Variants in GABRA3 observed in about 807,000 individuals in gnomAD.
GABRA3 encodes gamma-aminobutyric acid receptor subunit alpha-3.
Under a neutral mutation model 30.1 loss-of-function variants are expected in GABRA3, and 10 were observed. The observed-to-expected ratio is 0.33, with a 90% CI of 0.20 to 0.56. The LOEUF is 0.56. GABRA3 is among the 20% of genes least tolerant of loss of function. GABRA3 has a pLI of 0.89. For synonymous variants in GABRA3, 151 were observed against 146.8 expected (o/e 1.03, Z -0.21); for missense variants, 233 against 392.0 (o/e 0.59, Z 3.42).
chrX:152,396,996 T>C (rs1929676982), intron 1 of GABRA3, among the ~76,000 whole-genome samples: 1 of 111,843 alleles, frequency 8.9e-6, no homozygotes, highest in South Asian at 3.7e-4. Context: ...TGCAGAATCA[T>C]ATTACAGTGA....
At chrX:152,449,041 G>A (rs1602737101) in intron 1 of GABRA3, among the ~76,000 whole-genome samples, 2 of 111,964 alleles carry the variant, frequency 1.8e-5, no homozygotes, top group Middle Eastern at 9.2e-3. Context: ...CTAATATCCA[G>A]CATGAAGTAA....
At chrX:152,266,962 T>C (rs1174082393) in intron 4 of GABRA3, among the ~76,000 whole-genome samples, 1 of 111,630 alleles carries the variant, frequency 9.0e-6, no homozygotes, top group African/African-American at 3.3e-5. Context: ...AAGAAGATCT[T>C]CATGTGTTTA....
chrX:152,278,871 C>T (rs1330099787), intron 4 of GABRA3, among the ~76,000 whole-genome samples: 6 of 112,219 alleles, frequency 5.3e-5, no homozygotes, highest in African/African-American at 1.6e-4. Context: ...TGATGATGAG[C>T]ATTTTTTCAT....
At chrX:152,396,137 G>A (rs915706544) in intron 1 of GABRA3, among the ~76,000 whole-genome samples, 12 of 111,291 alleles carry the variant, frequency 1.1e-4, no homozygotes, top group African/African-American at 2.9e-4. Context: ...TTATAAGAAG[G>A]GGGAAATTTA....
At chrX:152,216,856 T>C (rs183889677) in intron 6 of GABRA3, among the ~76,000 whole-genome samples, 379 of 110,888 alleles carry the variant, frequency 3.4e-3, no homozygotes, top group African/African-American at 0.012. Context: ...TTTAAGATAA[T>C]GGAAATGTTA....
intron 3 of GABRA3, among the ~76,000 whole-genome samples, chrX:152,321,653 T>C (rs1366030703): frequency 8.9e-6 from 1 of 111,852 alleles, no homozygotes; most frequent in Non-Finnish European, 1.9e-5. Context: ...AACAAAGTAG[T>C]AACAAAAGAC....
At chrX:152,427,169 A>T (rs767440343) in intron 1 of GABRA3, among the ~76,000 whole-genome samples, 4 of 111,433 alleles carry the variant, frequency 3.6e-5, no homozygotes, top group Admixed American at 9.5e-5. Flanking sequence ...GACTTCTTTG[A>T]CAATAAATCC....
chrX:152,435,085 A>C (rs897155923), intron 1 of GABRA3, among the ~76,000 whole-genome samples: 1 of 111,974 alleles, frequency 8.9e-6, no homozygotes, highest in Non-Finnish European at 1.9e-5. Flanking sequence ...CAGCAAGAAA[A>C]AAAGATATGA....
chrX:152,392,674 T>G (rs1286034099), intron 1 of GABRA3, among the ~76,000 whole-genome samples: 1 of 111,918 alleles, frequency 8.9e-6, no homozygotes, highest in East Asian at 2.8e-4. Context: ...CAAAGGTGCA[T>G]AGAGGACCCA....
chrX:152,359,251 T>G (rs1172027648), intron 2 of GABRA3, among the ~76,000 whole-genome samples: 1 of 111,468 alleles, frequency 9.0e-6, no homozygotes, highest in Non-Finnish European at 1.9e-5. Context: ...TATTGGTCTG[T>G]TCAGGGATTC....
At chrX:152,291,911 G>C (rs758607451) in intron 3 of GABRA3, among the ~76,000 whole-genome samples, 16 of 111,787 alleles carry the variant, frequency 1.4e-4, no homozygotes, top group African/African-American at 5.2e-4. Flanking sequence ...TGCTGGATTC[G>C]ATTTGCCAGT....
intron 1 of GABRA3, among the ~76,000 whole-genome samples, chrX:152,411,480 A>G (rs1012084134): frequency 4.5e-5 from 5 of 112,089 alleles, no homozygotes; most frequent in African/African-American, 1.6e-4. Context: ...TAGAGAAAAA[A>G]GAAAAAAATA....
intron 1 of GABRA3, among the ~76,000 whole-genome samples, chrX:152,390,761 CGATGATGAG>C (rs1929458872): frequency 9.0e-6 from 1 of 110,610 alleles, no homozygotes; most frequent in Non-Finnish European, 1.9e-5. Context: ...ACGATGATAA[CGATGATGAG>C]GATATTATTA....
chrX:152,374,074 T>C (rs186116181), intron 1 of GABRA3, among the ~76,000 whole-genome samples: 8 of 111,498 alleles, frequency 7.2e-5, no homozygotes, highest in African/African-American at 2.3e-4. Flanking sequence ...TTGAGCATTT[T>C]TTCATATGTT....
At chrX:152,222,826 A>G (rs1257221145) in intron 6 of GABRA3, among the ~76,000 whole-genome samples, 1 of 109,176 alleles carries the variant, frequency 9.2e-6, no homozygotes, top group African/African-American at 3.3e-5. Context: ...CCTAGGATAT[A>G]GCTCTCTAGG....
intron 3 of GABRA3, among the ~76,000 whole-genome samples, chrX:152,322,270 G>A (rs891327741): frequency 8.9e-6 from 1 of 111,822 alleles, no homozygotes; most frequent in East Asian, 2.8e-4. Flanking sequence ...TCATCTATAC[G>A]AAATATTCAG....
intron 5 of GABRA3, among the ~76,000 whole-genome samples, chrX:152,242,978 G>A (rs1286064551): frequency 8.9e-6 from 1 of 112,102 alleles, no homozygotes; most frequent in Non-Finnish European, 1.9e-5. Flanking sequence ...GCATTCATTG[G>A]TGGATAAATG....
intron 1 of GABRA3, among the ~76,000 whole-genome samples, chrX:152,418,753 G>A (rs57563050): frequency 0.014 from 1,553 of 111,491 alleles, 31 homozygotes; most frequent in African/African-American, 0.048. Flanking sequence ...GGGATCTAGA[G>A]CTAGAAATAC....
chrX:152,227,617 A>G (rs1937989682), intron 5 of GABRA3, among the ~76,000 whole-genome samples: 1 of 107,643 alleles, frequency 9.3e-6, no homozygotes, highest in African/African-American at 3.4e-5. Context: ...TTTAAAAAAA[A>G]AAGAACATTC....
Sources: allele counts gnomAD v4.1 joint callset (sites outside exome capture counted in the v4.1 genomes callset), GRCh38; gene constraint gnomAD v4.1.1; transcripts MANE v1.5; gene names NCBI Gene and HGNC (gene_info 2026-07-23, HGNC 2026-07-21).